ERC2: variants seen among roughly 807,000 people sequenced by gnomAD.
The protein encoded by ERC2 is ELKS/RAB6-interacting/CAST family member 2.
Under a neutral mutation model 114.8 loss-of-function variants are expected in ERC2, and 42 were observed. That is an observed-to-expected ratio of 0.37 (90% CI 0.29 to 0.47). The LOEUF is 0.47. Among genes scored for constraint, ERC2 ranks in the 20% least tolerant of loss-of-function variants. The pLI is 0.99. For missense variants in ERC2, 939 were observed against 1,150.7 expected (o/e 0.82, Z 2.66); for synonymous variants, 454 against 425.5 (o/e 1.07, Z -0.82).
At chr3:56,413,378 C>A (rs892561965) in intron 2 of ERC2, among the ~76,000 whole-genome samples, 1 of 152,226 alleles carries the variant, frequency 6.6e-6, no homozygotes, top group Non-Finnish European at 1.5e-5. Context: ...CTCTTGCTAA[C>A]CTGATCTCCC....
At chr3:55,532,376 C>A (rs1216958911) in intron 17 of ERC2, among the ~76,000 whole-genome samples, 1 of 152,184 alleles carries the variant, frequency 6.6e-6, no homozygotes, top group African/African-American at 2.4e-5. Flanking sequence ...CAAACAACAC[C>A]AGCAACAGGG....
At chr3:55,878,277 T>C (rs2062958142) in intron 14 of ERC2, among the ~76,000 whole-genome samples, 2 of 152,308 alleles carry the variant, frequency 1.3e-5, no homozygotes, top group South Asian at 4.1e-4. Context: ...GACATTTTTC[T>C]CTATTAAAAC....
chr3:55,683,580 C>A (rs1310580261), intron 17 of ERC2, among the ~76,000 whole-genome samples: 1 of 152,128 alleles, frequency 6.6e-6, no homozygotes, highest in Non-Finnish European at 1.5e-5. Context: ...CCCAACAAGG[C>A]AGAGCAGTAA....
At chr3:56,188,467 C>A (rs929531708) in intron 3 of ERC2, among the ~76,000 whole-genome samples, 1 of 152,140 alleles carries the variant, frequency 6.6e-6, no homozygotes, top group Non-Finnish European at 1.5e-5. Flanking sequence ...GGCTGCAGAT[C>A]GCAGGAGCAG....
rs534749451 is a variant in ERC2, at chr3:56,305,861, G to GT, written c.658-9427dup. Reference sequence around the variant, plus strand: ...TATATTGTCTTTTTTTTGTTTGTTTGTTTTTTTGAGACAAAGTCTCATCTG... The same window carrying GT: ...TATATTGTCTTTTTTTTGTTTGTTTGTTTTTTTTGAGACAAAGTCTCATCTG... On this transcript the variant is annotated intron_variant, in intron 2 of 17. Coordinates refer to ENST00000288221, the MANE Select transcript of ERC2 (RefSeq NM_015576.3). Among the ~76,000 whole-genome samples, 108 of 152,126 alleles carry GT rather than the reference G, an allele frequency of 7.1e-4. 1 individual carries two copies. The highest frequency in any genetic ancestry group is 4.4e-3 in the Admixed American group (68 of 15,292).
At chr3:55,859,726 G>A (rs1264310133) in intron 14 of ERC2, among the ~76,000 whole-genome samples, 1 of 102,690 alleles carries the variant, frequency 9.7e-6, no homozygotes, top group Non-Finnish European at 1.8e-5. Context: ...AAGGAACGAA[G>A]TGTTTGACAC....
intron 2 of ERC2, among the ~76,000 whole-genome samples, chr3:56,322,136 C>T (rs2057155412): frequency 6.6e-6 from 1 of 152,198 alleles, no homozygotes. Flanking sequence ...CTAACAACTA[C>T]ACTTCACAAT....
chr3:56,286,414 CAAAAAAAA>C (rs778645110), intron 3 of ERC2, among the ~76,000 whole-genome samples: 7 of 30,316 alleles, frequency 2.3e-4, no homozygotes, highest in Non-Finnish European at 4.1e-4. Flanking sequence ...AACTCCATCT[CAAAAAAAA>C]AAAAAAAAAA....
At chr3:55,746,637 T>C (rs762561116) in intron 14 of ERC2, among the ~76,000 whole-genome samples, 10 of 152,182 alleles carry the variant, frequency 6.6e-5, no homozygotes, top group Non-Finnish European at 1.2e-4. Context: ...GAAAAGGCAG[T>C]TGTGCTTCTG....
intron 2 of ERC2, among the ~76,000 whole-genome samples, chr3:56,350,694 G>T (rs1369271859): frequency 6.6e-6 from 1 of 152,136 alleles, no homozygotes; most frequent in East Asian, 1.9e-4. Flanking sequence ...CTTGTCAAAA[G>T]CCAGAACAGA....
intron 2 of ERC2, among the ~76,000 whole-genome samples, chr3:56,329,402 G>A (rs1003144806): frequency 3.3e-5 from 5 of 152,178 alleles, no homozygotes; most frequent in Non-Finnish European, 7.3e-5. Context: ...ACCTCCAGGA[G>A]CCCTATCAGG....
chr3:55,845,226 C>T (rs1365826004), intron 14 of ERC2, among the ~76,000 whole-genome samples: 1 of 152,112 alleles, frequency 6.6e-6, no homozygotes, highest in African/African-American at 2.4e-5. Context: ...AAAAATGGGC[C>T]AGGCGCGGTG....
At chr3:55,722,052 T>C (rs1389864474) in intron 15 of ERC2, among the ~76,000 whole-genome samples, 1 of 152,204 alleles carries the variant, frequency 6.6e-6, no homozygotes, top group Admixed American at 6.5e-5. Context: ...GGGTTTTCAC[T>C]GTTTTCTGGG....
intron 4 of ERC2, among the ~76,000 whole-genome samples, chr3:56,158,378 T>G (rs2081855969): frequency 6.6e-6 from 1 of 152,202 alleles, no homozygotes; most frequent in African/African-American, 2.4e-5. Flanking sequence ...ATGCAAACTA[T>G]GTGTGTATTC....
intron 6 of ERC2, among the ~76,000 whole-genome samples, chr3:56,087,530 G>A (rs1032387807): frequency 4.6e-5 from 7 of 152,176 alleles, no homozygotes; most frequent in African/African-American, 1.7e-4. Context: ...GCTACTTGAT[G>A]TGCCATAAAT....
At chr3:55,936,710 T>C (rs376809633) in intron 13 of ERC2, among the ~76,000 whole-genome samples, 3 of 151,910 alleles carry the variant, frequency 2.0e-5, no homozygotes, top group Non-Finnish European at 2.9e-5. Context: ...AGGGAAACAA[T>C]GGGAGGACAA....
At chr3:56,365,085 T>A (rs1171467996) in intron 2 of ERC2, among the ~76,000 whole-genome samples, 1 of 152,240 alleles carries the variant, frequency 6.6e-6, no homozygotes, top group Non-Finnish European at 1.5e-5. Context: ...AAACAATGTC[T>A]GATACCCAGT....
intron 10 of ERC2, among the ~76,000 whole-genome samples, chr3:56,002,309 T>G (rs1006120545): frequency 7.9e-5 from 12 of 152,190 alleles, no homozygotes; most frequent in Non-Finnish European, 1.6e-4. Context: ...GAATGCATGA[T>G]AGCACAGATC....
At chr3:55,651,490 C>T (rs1443548752) in intron 17 of ERC2, among the ~76,000 whole-genome samples, 2 of 152,150 alleles carry the variant, frequency 1.3e-5, no homozygotes, top group African/African-American at 2.4e-5. Flanking sequence ...TTTGTGTAAG[C>T]CCCACATCCT....
Sources: allele counts gnomAD v4.1 joint callset (sites outside exome capture counted in the v4.1 genomes callset), GRCh38; gene constraint gnomAD v4.1.1; transcripts MANE v1.5; gene names NCBI Gene and HGNC (gene_info 2026-07-23, HGNC 2026-07-21).